TRPM8: variants seen among roughly 807,000 people sequenced by gnomAD.
The protein encoded by TRPM8 is TRPM8 cationic channel.
Under a neutral mutation model 133.7 loss-of-function variants are expected in TRPM8, and 110 were observed. That is an observed-to-expected ratio of 0.82 (90% CI 0.70 to 0.96). The LOEUF (loss-of-function observed/expected upper bound fraction) is 0.96, where lower values mean the gene tolerates loss of function less well. Ranked by LOEUF, TRPM8 falls within the 40% of genes least tolerant of loss-of-function variation. The pLI, the probability that TRPM8 is intolerant of heterozygous loss-of-function variation, is 0.00. For synonymous variants in TRPM8, 535 were observed against 532.3 expected (o/e 1.01, Z -0.07); for missense variants, 1,291 against 1,379.5 (o/e 0.94, Z 1.02).
At chr2:233,940,109 G>GT (rs1010524625) in intron 5 of TRPM8, among the ~76,000 whole-genome samples, 6 of 132,070 alleles carry the variant, frequency 4.5e-5, no homozygotes, top group Admixed American at 8.0e-5. Context: ...CTTTCATTAC[G>GT]TTTTTTGAAA....
At chr2:233,936,434 A>G (rs1282910345) in intron 3 of TRPM8, among the ~76,000 whole-genome samples, 2 of 152,162 alleles carry the variant, frequency 1.3e-5, no homozygotes, top group Non-Finnish European at 2.9e-5. Context: ...ATTTTTAACG[A>G]GAAGATCTCG....
chr2:233,962,970 A>G (rs187570646), intron 12 of TRPM8, among the ~76,000 whole-genome samples: 2 of 152,372 alleles, frequency 1.3e-5, no homozygotes, highest in Admixed American at 1.3e-4. Flanking sequence ...AAACAGAGTT[A>G]TATGATGAGA....
At chr2:233,919,391 A>T (rs1691366597) in intron 1 of TRPM8, among the ~76,000 whole-genome samples, 1 of 152,110 alleles carries the variant, frequency 6.6e-6, no homozygotes, top group Non-Finnish European at 1.5e-5. Flanking sequence ...TGTTAAGATG[A>T]CAATCTATTT....
In TRPM8 at chr2:233,955,054, A is replaced by G. The variant is rs10519360; in HGVS notation, c.1244-78A>G. ...GCATTACCTGTGATAAACAGCTCTG[A>G]TAATTGGCCACACTGAATGGTTCTC... On this transcript the variant is annotated intron_variant, in intron 10 of 25. Transcript: ENST00000324695. 0.014 allele frequency: 14,150 copies of G among 1,020,890 alleles called. 1,241 individuals are homozygous for G. In the African/African-American group the frequency reaches 0.2, roughly 14 times the overall value. The allele number at this position is 1,020,890 out of a possible 1,614,324, so 63.2% of individuals were successfully genotyped here.
intron 3 of TRPM8, among the ~76,000 whole-genome samples, chr2:233,936,460 C>G (rs534489383): frequency 6.6e-6 from 1 of 152,190 alleles, no homozygotes; most frequent in East Asian, 1.9e-4. Flanking sequence ...ATTTACCGCA[C>G]AGTTTGTCCT....
chr2:233,961,630 C>CTTTTT (rs57935574), intron 12 of TRPM8, among the ~76,000 whole-genome samples: 2 of 111,658 alleles, frequency 1.8e-5, no homozygotes, highest in Non-Finnish European at 3.7e-5. Flanking sequence ...CTTTTCTTTT[C>CTTTTT]TTTTTTTTTT....
intron 22 of TRPM8, among the ~76,000 whole-genome samples, chr2:234,005,927 TACACACACACAC>T (rs35379195): frequency 4.0e-4 from 55 of 136,080 alleles, no homozygotes; most frequent in East Asian, 2.0e-3. Context: ...AAACGTCATC[TACACACACACAC>T]ACACACACAC....
intron 11 of TRPM8, among the ~76,000 whole-genome samples, chr2:233,959,502 G>T (rs1197553621): frequency 6.6e-6 from 1 of 151,258 alleles, no homozygotes; most frequent in Non-Finnish European, 1.5e-5. Flanking sequence ...GTAGAGATGA[G>T]GTTTCACCAT....
intron 15 of TRPM8, 64 bp from the exon 16 acceptor site, chr2:233,969,631 G>T: frequency 2.1e-6 from 2 of 968,636 alleles, no homozygotes; most frequent in Non-Finnish European, 3.3e-6. Flanking sequence ...AAGAAAGTTT[G>T]CATGGCATCC....
intron 8 of TRPM8, among the ~76,000 whole-genome samples, chr2:233,947,881 TTTGCATACAGATTA>T (rs1214620994): frequency 2.0e-5 from 3 of 152,194 alleles, no homozygotes; most frequent in Non-Finnish European, 4.4e-5. Context: ...TCACAGGGGT[TTTGCATACAGATTA>T]TTTTATCACC....
chr2:234,012,235 C>T (rs1490580502), intron 24 of TRPM8, among the ~76,000 whole-genome samples: 4 of 151,480 alleles, frequency 2.6e-5, no homozygotes, highest in Non-Finnish European at 4.4e-5. Flanking sequence ...GCAACCTCTG[C>T]CTCCTGGGTT....
In TRPM8 at chr2:233,961,062, T is replaced by C. The variant is rs1158699623; in HGVS notation, c.1649T>C (p.Leu550Pro). 6.2e-7 allele frequency: 1 copy of C among 1,613,162 alleles called. No homozygotes were observed. Among genetic ancestry groups the C allele is most frequent in the Non-Finnish European group, 8.5e-7 (1 of 1,179,700 alleles). The part of the protein sequence containing the change: ...RNGRDEMDIE[L>P]HDVSPITRHP... Reference sequence around the variant, plus strand: ...GGCCGGGACGAGATGGACATAGAACTCCACGTAGGTACTGGGAGAGTTGCC... The same window carrying C: ...GGCCGGGACGAGATGGACATAGAACCCCACGTAGGTACTGGGAGAGTTGCC... The change falls in exon 12 of 26, where the codon CTC (leucine) becomes CCC (proline). Residue 550 changes from leucine (L) to proline (P), a missense_variant. Leu to Pro is a moderately conservative substitution (Grantham distance 98). Coordinates refer to ENST00000324695, the MANE Select transcript of TRPM8 (RefSeq NM_024080.5).
rs112001093 is a variant in TRPM8 at position 234,014,414 on chromosome 2, G to A, written c.3265-148G>A. 4.4e-4 allele frequency: 203 copies of A among 464,220 alleles called. 1 individual carries two copies. The highest frequency in any genetic ancestry group is 3.3e-3 in the Middle Eastern group (7 of 2,092). 28.8% of individuals were successfully genotyped at this position (464,220 alleles called of 1,614,324 possible). ...ATGATCAGGATCTGAAATATCACAT[G>A]CCACTCTCATTCTGCCTTATTTTAG... On this transcript the variant is annotated intron_variant, in intron 24 of 25. Transcript: ENST00000324695.
chr2:234,005,533 T>C (rs1449344700), intron 22 of TRPM8, among the ~76,000 whole-genome samples: 1 of 152,146 alleles, frequency 6.6e-6, no homozygotes, highest in Admixed American at 6.5e-5. Context: ...TTGGGAAAAA[T>C]ACAATTCAAA....
At chr2:233,987,077 G>A (rs535858399) in intron 21 of TRPM8, among the ~76,000 whole-genome samples, 142 of 152,184 alleles carry the variant, frequency 9.3e-4, no homozygotes, top group African/African-American at 3.1e-3. Flanking sequence ...AACCTCTGTC[G>A]GAACTCTCTC....
In TRPM8 at chr2:233,947,110, C is replaced by A. The variant is rs375080100; in HGVS notation, c.897C>A (p.Ile299=). 1.4e-5 allele frequency: 23 copies of A among 1,613,960 alleles called. No individual in the cohort carries two copies. The highest frequency in any genetic ancestry group is 1.9e-5 in the Non-Finnish European group (23 of 1,179,952). Reference sequence around the variant, plus strand: ...CAGATTCCAACTATGGTGGCAAGATCCCCATTGTGTGTTTTGCCCAAGGAG... The same window carrying A: ...CAGATTCCAACTATGGTGGCAAGATACCCATTGTGTGTTTTGCCCAAGGAG... ...TIQDSNYGGK[I]PIVCFAQGGG... Residue 299 remains isoleucine, a synonymous_variant, in exon 8 of 26, where the codon ATC becomes ATA. Coordinates refer to ENST00000324695, the MANE Select transcript of TRPM8 (RefSeq NM_024080.5).
At chr2:233,938,929 A>G (rs9646720) in intron 4 of TRPM8, 69 bp from the exon 5 acceptor site, 352,943 of 1,525,088 alleles carry the variant, frequency 0.23, 44,839 homozygotes, top group East Asian at 0.44. Context: ...GGAAGTTGGG[A>G]GGGAATGCTA....
chr2:234,009,311 G>C (rs968275369), intron 24 of TRPM8, among the ~76,000 whole-genome samples: 1 of 152,122 alleles, frequency 6.6e-6, no homozygotes, highest in Non-Finnish European at 1.5e-5. Flanking sequence ...TTTTTTACTC[G>C]AGTTTATTTG....
At chr2:233,944,036 CAG>C (rs1006272023) in intron 6 of TRPM8, among the ~76,000 whole-genome samples, 10 of 151,902 alleles carry the variant, frequency 6.6e-5, no homozygotes, top group African/African-American at 2.4e-4. Context: ...GTTTTGAAGA[CAG>C]AGAAGTTGGG....
Sources: allele counts gnomAD v4.1 joint callset (sites outside exome capture counted in the v4.1 genomes callset), GRCh38; gene constraint gnomAD v4.1.1; transcripts MANE v1.5; gene names NCBI Gene and HGNC (gene_info 2026-07-23, HGNC 2026-07-21).